The following ELAVL2 variants were observed in gnomAD, a reference collection of about 807,000 sequenced individuals.
ELAVL2 encodes ELAV like RNA binding protein 2.
ELAVL2 carries 4 observed loss-of-function variants against 34.6 expected under a neutral mutation model. The observed-to-expected ratio is 0.12, with a 90% CI of 0.06 to 0.26. The LOEUF (loss-of-function observed/expected upper bound fraction) is 0.26. Among genes scored for constraint, ELAVL2 ranks in the 10% least tolerant of loss-of-function variants. The pLI, the probability that ELAVL2 is intolerant of heterozygous loss-of-function variation, is 1.00. For missense variants in ELAVL2, 432 were observed against 442.8 expected (o/e 0.98, Z 0.22); for synonymous variants, 193 against 154.8 (o/e 1.25, Z -1.83).
intron 1 of ELAVL2, among the ~76,000 whole-genome samples, chr9:23,784,464 G>T (rs1324926514): frequency 1.3e-5 from 2 of 152,174 alleles, no homozygotes; most frequent in Non-Finnish European, 2.9e-5. Context: ...TTGGTCTTTG[G>T]AAGGTAAAGG....
chr9:23,716,798 G>C lies in ELAVL2; in HGVS notation c.334-11727C>G, dbSNP rs190183760. Among the ~76,000 whole-genome samples the C allele has an allele frequency of 6.6e-5, 10 of 152,328 alleles. No individual in the cohort carries two copies. In the East Asian group the frequency reaches 1.9e-3, roughly 29 times the overall value. On this transcript the variant is annotated intron_variant, in intron 3 of 6. Transcript: ENST00000397312. ...ACAGGGTTAGAGGGCCATGTAGGCA[G>C]AGAATAATCCAAGGCAATGGAGAAT... is the stretch of plus-strand genomic sequence containing the variant.
At chr9:23,710,336 T>C (rs2040583934) in intron 3 of ELAVL2, among the ~76,000 whole-genome samples, 2 of 152,338 alleles carry the variant, frequency 1.3e-5, no homozygotes, top group Middle Eastern at 3.4e-3. Flanking sequence ...CTTTATTAAA[T>C]GTACATAGCA....
rs142576089 is a variant in ELAVL2, at chr9:23,730,168, G to C, written c.333+854C>G. Among the ~76,000 whole-genome samples, 312 of 152,230 alleles carry C rather than the reference G, an allele frequency of 2.0e-3. 1 individual carries two copies. Among genetic ancestry groups the C allele is most frequent in the African/African-American group, 7.1e-3 (295 of 41,554 alleles). ...GCAAATTGATGGTACAGCTAACTAA[G>C]AATTTGCTAGAGGCGACATCCCTCT... On this transcript the variant is annotated intron_variant, in intron 3 of 6. Coordinates refer to ENST00000397312, the MANE Select transcript of ELAVL2 (RefSeq NM_004432.5).
In ELAVL2 at chr9:23,762,150, C is replaced by G. The variant is rs768699756; in HGVS notation, c.85G>C (p.Val29Leu). 1.2e-6 allele frequency: 2 copies of G among 1,613,650 alleles called. No individual in the cohort carries two copies. The highest frequency in any genetic ancestry group is 8.5e-7 in the Non-Finnish European group (1 of 1,179,644). ...CTGTCTTCTGTGTTCCCAGAGTCAA[C>G]TGGTGACGAACAGTTGTTGTTTATG... ...TTINNNCSSP[V>L]DSGNTEDSKT... The change falls in exon 2 of 7, where the codon GTT (valine) becomes CTT (leucine). Residue 29 changes from valine (V) to leucine (L), a missense_variant. Val to Leu is a conservative substitution (Grantham distance 32, BLOSUM62 1). Around this residue, in one of 3 missense-constraint regions of ELAVL2, gnomAD observed 132 missense variants for 118.3 expected, o/e 1.12. Transcript: ENST00000397312.
intron 1 of ELAVL2, among the ~76,000 whole-genome samples, chr9:23,787,089 CA>C: frequency 6.6e-6 from 1 of 152,126 alleles, no homozygotes; most frequent in Middle Eastern, 3.4e-3. Flanking sequence ...ATATATACGG[CA>C]AATGTGAGAA....
At chr9:23,823,137 CA>C (rs770090850) in intron 1 of ELAVL2, among the ~76,000 whole-genome samples, 40 of 152,358 alleles carry the variant, frequency 2.6e-4, no homozygotes, top group Admixed American at 9.8e-4. Context: ...CGTGTCACCC[CA>C]AATCCGATTT....
intron 2 of ELAVL2, among the ~76,000 whole-genome samples, chr9:23,749,402 T>C (rs2051323711): frequency 1.3e-5 from 2 of 152,164 alleles, no homozygotes; most frequent in South Asian, 4.1e-4. Context: ...GGTTTTGTTC[T>C]GTAAGCCAGT....
the ELAVL2 span, among the ~76,000 whole-genome samples, chr9:23,834,940 T>A: frequency 3.6e-4 from 55 of 152,224 alleles, no homozygotes; most frequent in African/African-American, 1.2e-3. Context: ...AAGCTCAATG[T>A]ACTTTTACAT....
chr9:23,806,707 A>G (rs565487579), intron 1 of ELAVL2, among the ~76,000 whole-genome samples: 1 of 152,290 alleles, frequency 6.6e-6, no homozygotes, highest in East Asian at 1.9e-4. Context: ...AGAGCTTCCA[A>G]TGTAGTTGAA....
chr9:23,840,423 A>AT, the ELAVL2 span, among the ~76,000 whole-genome samples: 21,494 of 151,900 alleles, frequency 0.14, 2,066 homozygotes, highest in East Asian at 0.37. Flanking sequence ...TCCACAGGTG[A>AT]TTCTGATGAA....
In ELAVL2 at chr9:23,748,455, C is replaced by T. The variant is rs1051763572; in HGVS notation, c.229+13551G>A. Among the ~76,000 whole-genome samples, 4 of 152,242 alleles carry T rather than the reference C, an allele frequency of 2.6e-5. No homozygotes were observed. In the East Asian group the frequency reaches 7.7e-4, roughly 29 times the overall value. On this transcript the variant is annotated intron_variant, in intron 2 of 6. Transcript: ENST00000397312. ...AAAAGTATGAAGGCAGAGAAGACTT[C>T]CAGGGAGCAAAACTACTTGGGTTCT...
chr9:23,750,788 T>C (rs541846721), intron 2 of ELAVL2, among the ~76,000 whole-genome samples: 1 of 152,284 alleles, frequency 6.6e-6, no homozygotes, highest in East Asian at 1.9e-4. Flanking sequence ...AAAGCTCCCA[T>C]GGCTTACTTA....
In ELAVL2 at chr9:23,785,651, G is replaced by C. The variant is rs564929163; in HGVS notation, c.-15-23402C>G. The stretch of plus-strand genomic sequence containing the variant: ...TGTTAACCCAAAACTCCCAGTATGA[G>C]TACGAATCAGTCACGACATAGAAAT... On this transcript the variant is annotated intron_variant, in intron 1 of 6. Coordinates refer to ENST00000397312, the MANE Select transcript of ELAVL2 (RefSeq NM_004432.5). 2.4e-3 allele frequency among the ~76,000 whole-genome samples: 373 copies of C among 152,278 alleles called. 3 individuals carry two copies. The highest frequency in any genetic ancestry group is 8.6e-3 in the African/African-American group (358 of 41,536).
At chr9:23,695,915 C>T (rs773440421) in intron 5 of ELAVL2, among the ~76,000 whole-genome samples, 2 of 152,158 alleles carry the variant, frequency 1.3e-5, no homozygotes, top group Non-Finnish European at 2.9e-5. Context: ...TTCCATCCTC[C>T]ATCTCCCTCA....
chr9:23,708,239 T>C (rs1324795692), intron 3 of ELAVL2, among the ~76,000 whole-genome samples: 4 of 152,226 alleles, frequency 2.6e-5, no homozygotes, highest in African/African-American at 9.6e-5. Flanking sequence ...TAACAATGTT[T>C]AATGTTAAAC....
chr9:23,787,060 T>A (rs1190376034), intron 1 of ELAVL2, among the ~76,000 whole-genome samples: 1 of 151,944 alleles, frequency 6.6e-6, no homozygotes, highest in African/African-American at 2.4e-5. Flanking sequence ...AATTCAAACA[T>A]GAGGAAAGGG....
the ELAVL2 span, among the ~76,000 whole-genome samples, chr9:23,848,030 T>C: frequency 6.6e-6 from 1 of 152,030 alleles, no homozygotes; most frequent in Non-Finnish European, 1.5e-5. Context: ...GTAATTTAAT[T>C]TTACATATAT....
intron 4 of ELAVL2, 32 bp from the exon 5 acceptor site, chr9:23,701,636 G>C (rs745725395): frequency 2.5e-6 from 4 of 1,604,698 alleles, no homozygotes; most frequent in South Asian, 1.1e-5. Context: ...ATTTGGAAAA[G>C]AGGGAACAGA....
the ELAVL2 span, among the ~76,000 whole-genome samples, chr9:23,838,245 A>G: frequency 6.6e-6 from 1 of 151,910 alleles, no homozygotes; most frequent in African/African-American, 2.4e-5. Flanking sequence ...GTTTGTAAAA[A>G]TTTTGAGCAC....
Sources: gnomAD v4.1 joint callset for allele counts (sites outside exome capture counted in the v4.1 genomes callset) on GRCh38, gnomAD v4.1.1 for gene constraint, gnomAD v4.1.1 regional missense constraint, MANE v1.5 for transcripts, NCBI Gene and HGNC (gene_info 2026-07-23, HGNC 2026-07-21) for gene names.